Variants in PATJ observed in about 807,000 individuals in gnomAD.
PATJ encodes the protein PATJ crumbs cell polarity complex component, also known as inaD-like protein.
A neutral mutation model predicts 224.9 loss-of-function variants in PATJ; 190 were observed. That is an observed-to-expected ratio of 0.84 (90% CI 0.75 to 0.95). The LOEUF is 0.95. Among genes scored for constraint, PATJ ranks in the 40% least tolerant of loss-of-function variants. The pLI is 0.00. For synonymous variants in PATJ, 769 were observed against 820.3 expected, an observed-to-expected ratio of 0.94 and a Z score of 1.07; for missense variants, 2,121 against 2,270.3, an observed-to-expected ratio of 0.93 and a Z score of 1.34.
intron 30 of PATJ, among the ~76,000 whole-genome samples, chr1:62,039,892 G>A (rs77014104): frequency 0.2 from 30,406 of 151,694 alleles, 3,462 homozygotes; most frequent in Non-Finnish European, 0.26. Flanking sequence ...CCAAAAACTC[G>A]CCAGGTGGGA....
At chr1:61,910,903 C>T (rs1413454896) in intron 25 of PATJ, among the ~76,000 whole-genome samples, 1 of 152,062 alleles carries the variant, frequency 6.6e-6, no homozygotes, top group Admixed American at 6.6e-5. Flanking sequence ...AGTTTCATGT[C>T]TTTGTAAAAT....
rs1021196816 is a variant in PATJ, at chr1:62,139,313, T to C, written c.5272-8971T>C. Among the ~76,000 whole-genome samples, 4 of 146,198 alleles carry C rather than the reference T, an allele frequency of 2.7e-5. No individual in the cohort carries two copies. In the East Asian group the frequency reaches 6.1e-4, roughly 22 times the overall value. On this transcript the variant is annotated intron_variant, in intron 41 of 43. Transcript: ENST00000642238. The stretch of plus-strand genomic sequence containing the variant: ...CTACTTGGGTGGCTGAGGCAGAGAA[T>C]TGCCTGAATCCGGGAGGCAGAGATT...
intron 18 of PATJ, among the ~76,000 whole-genome samples, chr1:61,860,352 C>T (rs924388848): frequency 3.9e-5 from 6 of 152,138 alleles, no homozygotes; most frequent in Non-Finnish European, 5.9e-5. Context: ...TGAGGCACCA[C>T]GCCCTGGCTG....
At chr1:61,839,714 A>G (rs1660767643) in intron 17 of PATJ, among the ~76,000 whole-genome samples, 2 of 152,106 alleles carry the variant, frequency 1.3e-5, no homozygotes, top group South Asian at 4.1e-4. Flanking sequence ...TGATATTGCC[A>G]TCCTTGGTAC....
chr1:61,851,803 A>G (rs1327470108), intron 17 of PATJ, among the ~76,000 whole-genome samples: 1 of 152,090 alleles, frequency 6.6e-6, no homozygotes, highest in East Asian at 1.9e-4. Flanking sequence ...GTGGAAATGG[A>G]AAGGAAGAAT....
Position 62,161,326 on chromosome 1 carries a change from GATTTCTTTT to G in PATJ, c.*273_*281del, listed in dbSNP as rs912252451. On this transcript the variant is annotated 3_prime_UTR_variant, in exon 44 of 44. Coordinates refer to ENST00000642238, the MANE Select transcript of PATJ (RefSeq NM_001350145.3). ...GTTTTGCATTTAATTTCAGTGTTCC[GATTTCTTTT>G]TTTTTTTTTTTTTTTTTTTTTGAGA... 22 of 215,138 alleles carry G rather than the reference GATTTCTTTT, an allele frequency of 1.0e-4. No individual in the cohort carries two copies. Among genetic ancestry groups the G allele is most frequent in the African/African-American group, 5.0e-4 (19 of 37,680 alleles). 13.3% of individuals were successfully genotyped at this position (215,138 alleles called of 1,614,324 possible).
At chr1:62,028,678 G>T (rs754257228) in intron 29 of PATJ, among the ~76,000 whole-genome samples, 30 of 152,078 alleles carry the variant, frequency 2.0e-4, no homozygotes, top group Non-Finnish European at 4.0e-4. Context: ...AGTTTCTTGG[G>T]AATCTGAGGT....
chr1:61,783,941 A>G (rs1647951256), intron 7 of PATJ, among the ~76,000 whole-genome samples: 2 of 151,886 alleles, frequency 1.3e-5, no homozygotes, highest in Admixed American at 6.6e-5. Flanking sequence ...ATGGGGTTTC[A>G]CCATGTTGGC....
intron 42 of PATJ, among the ~76,000 whole-genome samples, chr1:62,150,900 C>T (rs111361688): frequency 0.097 from 14,682 of 151,780 alleles, 781 homozygotes; most frequent in Middle Eastern, 0.17. Context: ...CCCAGCACTT[C>T]GGGAGGCCGA....
At chr1:61,999,541 A>C (rs527533169) in intron 28 of PATJ, among the ~76,000 whole-genome samples, 8 of 152,218 alleles carry the variant, frequency 5.3e-5, no homozygotes, top group Admixed American at 2.0e-4. Context: ...GGTGGTACAC[A>C]GCTGTAATCT....
At chr1:61,937,913 G>C (rs1035609187) in intron 27 of PATJ, among the ~76,000 whole-genome samples, 2 of 152,166 alleles carry the variant, frequency 1.3e-5, no homozygotes, top group African/African-American at 4.8e-5. Context: ...GCCTCCCAGA[G>C]TGCTGGGATT....
At chr1:62,157,092 G>A (rs1464131920) in intron 43 of PATJ, among the ~76,000 whole-genome samples, 1 of 152,164 alleles carries the variant, frequency 6.6e-6, no homozygotes, top group Non-Finnish European at 1.5e-5. Flanking sequence ...GGGAGACAGA[G>A]GCAGGCAGAT....
intron 27 of PATJ, among the ~76,000 whole-genome samples, chr1:61,966,911 A>C (rs983622782): frequency 5.3e-5 from 8 of 152,052 alleles, no homozygotes; most frequent in Admixed American, 2.0e-4. Context: ...GGACAACCAG[A>C]GGTCACTCTC....
At chr1:61,835,493 T>C (rs1346316922) in intron 17 of PATJ, among the ~76,000 whole-genome samples, 6 of 152,304 alleles carry the variant, frequency 3.9e-5, no homozygotes, top group African/African-American at 1.4e-4. Context: ...AATCTCTGCC[T>C]CCTGGGTTCA....
At chr1:61,925,719 GA>G (rs1394190006) in intron 26 of PATJ, among the ~76,000 whole-genome samples, 1 of 152,166 alleles carries the variant, frequency 6.6e-6, no homozygotes, top group Non-Finnish European at 1.5e-5. Context: ...AAACATGACT[GA>G]AAATTATGCA....
intron 17 of PATJ, among the ~76,000 whole-genome samples, chr1:61,843,342 G>C (rs769254899): frequency 1.3e-5 from 2 of 152,174 alleles, no homozygotes; most frequent in African/African-American, 4.8e-5. Flanking sequence ...ATACTCTTGG[G>C]ACTTTGGCAA....
At chr1:62,020,438 C>G (rs1647015686) in intron 29 of PATJ, among the ~76,000 whole-genome samples, 1 of 152,032 alleles carries the variant, frequency 6.6e-6, no homozygotes, top group African/African-American at 2.4e-5. Flanking sequence ...GAATAGAGTC[C>G]AAAGGAAATA....
chr1:61,758,803 C>T (rs1645798264), intron 1 of PATJ, among the ~76,000 whole-genome samples: 1 of 152,134 alleles, frequency 6.6e-6, no homozygotes, highest in East Asian at 1.9e-4. Flanking sequence ...CAGTGTCTCA[C>T]AGGCTGGAGT....
rs559635804 is a variant in PATJ at position 62,028,836 on chromosome 1, C to T, written c.3960-9141C>T. On this transcript the variant is annotated intron_variant, in intron 29 of 43. Transcript: ENST00000642238. ...AGAAATGGTAGCCTGTACCTGTAGT[C>T]CCAGCTATTCAGAAGGCTGAGGTGG... Among the ~76,000 whole-genome samples the T allele has an allele frequency of 3.3e-5, 5 of 152,162 alleles. No individual in the cohort carries two copies. The East Asian group carries it at 9.7e-4, about 29-fold the overall frequency.
Sources: gnomAD v4.1 joint callset for allele counts (sites outside exome capture counted in the v4.1 genomes callset) on GRCh38, gnomAD v4.1.1 for gene constraint, MANE v1.5 for transcripts, NCBI Gene and HGNC (gene_info 2026-07-23, HGNC 2026-07-21) for gene names.